Variants in LHFPL6 observed in about 807,000 individuals in gnomAD.
LHFPL6 encodes the protein LHFPL tetraspan subfamily member 6 protein.
LHFPL6 carries 9 observed loss-of-function variants against 20.6 expected under a neutral mutation model. The observed-to-expected ratio is 0.44, with a 90% confidence interval of 0.26 to 0.76. The LOEUF is 0.76. Ranked by LOEUF, LHFPL6 falls within the 30% of genes least tolerant of loss-of-function variation. LHFPL6 has a pLI of 0.20. For missense variants in LHFPL6, 218 were observed against 253.5 expected (o/e 0.86, Z 0.95); for synonymous variants, 105 against 98.7 (o/e 1.06, Z -0.38).
chr13:39,426,510 G>A (rs950075492), intron 2 of LHFPL6, among the ~76,000 whole-genome samples: 1 of 152,070 alleles, frequency 6.6e-6, no homozygotes, highest in Admixed American at 6.6e-5. Context: ...GTGAGCCATC[G>A]CGCCTGGCCT....
At chr13:39,579,705 T>TCAATTGAGCCCTAATCTTAGAAAATATCA (rs1872220801) in intron 2 of LHFPL6, among the ~76,000 whole-genome samples, 1 of 152,190 alleles carries the variant, frequency 6.6e-6, no homozygotes, top group African/African-American at 2.4e-5. Flanking sequence ...CCGAAACCCC[T>TCAATTGAGCCCTAATCTTAGAAAATATCA]CAATTGAGCC....
intron 2 of LHFPL6, among the ~76,000 whole-genome samples, chr13:39,534,320 T>C (rs563936708): frequency 1.3e-5 from 2 of 152,126 alleles, no homozygotes; most frequent in African/African-American, 2.4e-5. Context: ...TCACCCAAGA[T>C]AGATTAAATA....
At chr13:39,583,005 G>T (rs1042031424) in intron 2 of LHFPL6, among the ~76,000 whole-genome samples, 14 of 152,078 alleles carry the variant, frequency 9.2e-5, no homozygotes, top group Admixed American at 7.9e-4. Context: ...TGCATTCTCT[G>T]TCAGGCACTT....
chr13:39,542,119 T>TAATAATAATAAA lies in LHFPL6; in HGVS notation c.385+58712_385+58713insTTTATTATTATT, dbSNP rs1216570198. Among the ~76,000 whole-genome samples the TAATAATAATAAA allele has an allele frequency of 4.2e-5, 6 of 144,544 alleles. No individual in the cohort carries two copies. In the East Asian group the frequency reaches 1.2e-3, roughly 30 times the overall value. 94.8% of individuals were successfully genotyped at this position (144,544 alleles called of 152,430 possible). A position where few individuals can be genotyped will look rare whatever the true frequency, so the allele number is the denominator to read the frequency against. ...AATATAATAATAATAATAATAATAA[T>TAATAATAATAAA]AATAATAATAATAAAATAAAAATGC... On this transcript the variant is annotated intron_variant, in intron 2 of 3. Transcript: ENST00000379589.
At chr13:39,458,386 AAG>A (rs1268290189) in intron 2 of LHFPL6, among the ~76,000 whole-genome samples, 26 of 152,280 alleles carry the variant, frequency 1.7e-4, no homozygotes, top group Admixed American at 1.3e-3. Context: ...AGATGTGAGA[AAG>A]AATGTTGAGG....
chr13:39,415,415 G>A (rs908549198), intron 2 of LHFPL6, among the ~76,000 whole-genome samples: 1 of 151,922 alleles, frequency 6.6e-6, no homozygotes, highest in African/African-American at 2.4e-5. Context: ...GTATGCATAC[G>A]CACATGTGGA....
At chr13:39,428,798 T>C (rs932699373) in intron 2 of LHFPL6, among the ~76,000 whole-genome samples, 2 of 152,214 alleles carry the variant, frequency 1.3e-5, no homozygotes, top group Non-Finnish European at 2.9e-5. Flanking sequence ...AATGGAGCAA[T>C]ACTCTTTTAG....
Position 39,572,852 on chromosome 13 carries a change from A to G in LHFPL6, c.385+27980T>C, listed in dbSNP as rs905546304. ...TGGATTTGTGAAATACCAGTCAATG[A>G]CCATTAGCTTCTCCTCCAAGTCAGC... On this transcript the variant is annotated intron_variant, in intron 2 of 3. Coordinates refer to ENST00000379589, the MANE Select transcript of LHFPL6 (RefSeq NM_005780.3). 2.6e-5 allele frequency among the ~76,000 whole-genome samples: 4 copies of G among 152,300 alleles called. No homozygotes were observed. In the South Asian group the frequency reaches 6.2e-4, roughly 24 times the overall value.
chr13:39,533,879 A>C (rs1261810553), intron 2 of LHFPL6, among the ~76,000 whole-genome samples: 4 of 152,150 alleles, frequency 2.6e-5, no homozygotes, highest in Non-Finnish European at 5.9e-5. Flanking sequence ...CCGTATTTGA[A>C]TGGTGGGTGG....
chr13:39,375,984 A>C (rs1378606126), intron 3 of LHFPL6, among the ~76,000 whole-genome samples: 2 of 152,124 alleles, frequency 1.3e-5, no homozygotes, highest in Non-Finnish European at 2.9e-5. Flanking sequence ...ATGGTTTTAG[A>C]GTGTATAATA....
chr13:39,386,635 A>G (rs1870570203), intron 2 of LHFPL6, among the ~76,000 whole-genome samples: 1 of 152,198 alleles, frequency 6.6e-6, no homozygotes, highest in South Asian at 2.1e-4. Context: ...TTTGACCATC[A>G]TCATGTTTTA....
At chr13:39,520,771 GTC>G (rs1252150427) in intron 2 of LHFPL6, among the ~76,000 whole-genome samples, 2 of 152,192 alleles carry the variant, frequency 1.3e-5, no homozygotes, top group Non-Finnish European at 2.9e-5. Flanking sequence ...GGTACAAGCA[GTC>G]TCTAGAGCAG....
intron 2 of LHFPL6, among the ~76,000 whole-genome samples, chr13:39,387,567 A>G (rs1870596971): frequency 6.7e-6 from 1 of 148,208 alleles, no homozygotes. Context: ...AAAAAAAAAA[A>G]AAAAGAATAT....
intron 2 of LHFPL6, among the ~76,000 whole-genome samples, chr13:39,512,840 C>G (rs7335007): frequency 6.6e-6 from 1 of 152,052 alleles, no homozygotes; most frequent in Non-Finnish European, 1.5e-5. Context: ...GAGAGTCTCT[C>G]TCTCTGCCAG....
intron 2 of LHFPL6, among the ~76,000 whole-genome samples, chr13:39,489,656 G>A (rs937049026): frequency 4.0e-5 from 6 of 151,644 alleles, no homozygotes; most frequent in East Asian, 1.9e-4. Flanking sequence ...CCAGGCTCAA[G>A]GGATCCTCAC....
At chr13:39,556,019 C>T (rs536200384) in intron 2 of LHFPL6, among the ~76,000 whole-genome samples, 6 of 152,298 alleles carry the variant, frequency 3.9e-5, no homozygotes, top group Admixed American at 2.0e-4. Flanking sequence ...CACTCCCACT[C>T]TTGCCATGTG....
rs573183092 is a variant in LHFPL6, at chr13:39,355,103, A to C, written c.485-11049T>G. On this transcript the variant is annotated intron_variant, in intron 3 of 3. Transcript: ENST00000379589. ...AGATGCATAGTGATCAGACTCTCCA[A>C]GGTTGACATGAAAGAAAAAAATCTT... Among the ~76,000 whole-genome samples the C allele has an allele frequency of 2.7e-5, 4 of 149,664 alleles. No individual in the cohort carries two copies. In the East Asian group the frequency reaches 7.9e-4, roughly 29 times the overall value.
intron 2 of LHFPL6, among the ~76,000 whole-genome samples, chr13:39,512,378 G>A (rs1869741376): frequency 6.6e-6 from 1 of 151,654 alleles, no homozygotes; most frequent in Non-Finnish European, 1.5e-5. Context: ...GGAGGCGTGT[G>A]GATCACGAGG....
At chr13:39,423,289 T>G (rs1220515391) in intron 2 of LHFPL6, among the ~76,000 whole-genome samples, 1 of 152,248 alleles carries the variant, frequency 6.6e-6, no homozygotes, top group African/African-American at 2.4e-5. Flanking sequence ...AAATCTTGCT[T>G]CAGGAGTATT....
Sources: gnomAD v4.1 joint callset for allele counts (sites outside exome capture counted in the v4.1 genomes callset) on GRCh38, gnomAD v4.1.1 for gene constraint, MANE v1.5 for transcripts, NCBI Gene and HGNC (gene_info 2026-07-23, HGNC 2026-07-21) for gene names.